ELAVL4: variants seen among roughly 807,000 people sequenced by gnomAD.
The protein encoded by ELAVL4 is ELAV-like protein 4.
Under a neutral mutation model 35.6 loss-of-function variants are expected in ELAVL4, and 1 was observed. The ratio of observed to expected loss-of-function variants is 0.03; its 90% CI spans 0.01 to 0.13. ELAVL4 has a LOEUF of 0.13. Ranked by LOEUF, ELAVL4 falls within the 10% of genes least tolerant of loss-of-function variation. The pLI is 1.00. For missense variants in ELAVL4, 267 were observed against 464.9 expected (o/e 0.57, Z 3.91); for synonymous variants, 156 against 171.0 (o/e 0.91, Z 0.69).
In ELAVL4 at chr1:50,171,666, A is replaced by C. The variant is rs530979081; in HGVS notation, c.251-5423A>C. 2.0e-5 allele frequency among the ~76,000 whole-genome samples: 3 copies of C among 152,352 alleles called. No homozygotes were observed. The East Asian group carries it at 5.8e-4, about 29-fold the overall frequency. ...CTGTTTTTTCCAGATAAGAGAGCAT[A>C]CTGATAAAGCTTAAATGACTTAACC... On this transcript the variant is annotated intron_variant, in intron 2 of 6. Coordinates refer to ENST00000371824, the MANE Select transcript of ELAVL4 (RefSeq NM_001144774.3).
intron 1 of ELAVL4, among the ~76,000 whole-genome samples, chr1:50,071,545 C>A (rs1259385605): frequency 1.3e-5 from 2 of 152,286 alleles, no homozygotes. Flanking sequence ...TAGCCACATA[C>A]ACAAAAGATG....
At chr1:50,142,325 G>A (rs1572372944) in intron 1 of ELAVL4, among the ~76,000 whole-genome samples, 1 of 152,192 alleles carries the variant, frequency 6.6e-6, no homozygotes, top group East Asian at 1.9e-4. Flanking sequence ...TCAGCCTCCC[G>A]AGTAGCTGGG....
At chr1:50,088,836 C>G (rs894156837) in intron 1 of ELAVL4, among the ~76,000 whole-genome samples, 35 of 152,164 alleles carry the variant, frequency 2.3e-4, no homozygotes, top group African/African-American at 8.0e-4. Flanking sequence ...TCCCACAGAC[C>G]CTGTTCTCCA....
intron 1 of ELAVL4, among the ~76,000 whole-genome samples, chr1:50,054,122 G>A (rs1663538782): frequency 6.6e-6 from 1 of 152,092 alleles, no homozygotes; most frequent in African/African-American, 2.4e-5. Context: ...TATATACTGA[G>A]TAAATGTTGA....
intron 1 of ELAVL4, among the ~76,000 whole-genome samples, chr1:50,116,955 C>T (rs1251518628): frequency 2.6e-5 from 4 of 152,100 alleles, no homozygotes; most frequent in African/African-American, 9.7e-5. Flanking sequence ...AACACCAAAA[C>T]AAAAGTGATA....
At chr1:50,095,180 C>A (rs944846500) in intron 1 of ELAVL4, among the ~76,000 whole-genome samples, 1 of 152,100 alleles carries the variant, frequency 6.6e-6, no homozygotes, top group Non-Finnish European at 1.5e-5. Flanking sequence ...AGCTAGTTTA[C>A]GGCAGCATTG....
chr1:50,202,984 C>A lies in ELAVL4; in HGVS notation c.*1806C>A, dbSNP rs1644445900. The A allele has an allele frequency of 6.6e-6, 1 of 152,142 alleles. No individual in the cohort carries two copies. Among genetic ancestry groups the A allele is most frequent in the African/African-American group, 2.4e-5 (1 of 41,426 alleles). 9.4% of individuals were successfully genotyped at this position (152,142 alleles called of 1,614,324 possible). ...GGAGCACTCTCCCACGTCCAGTGCA[C>A]TGATCATTTTAGTATGTTTGTGCTT... On this transcript the variant is annotated 3_prime_UTR_variant, in exon 7 of 7. Coordinates refer to ENST00000371824, the MANE Select transcript of ELAVL4 (RefSeq NM_001144774.3).
chr1:50,114,280 A>G (rs1667575291), intron 1 of ELAVL4, among the ~76,000 whole-genome samples: 1 of 152,014 alleles, frequency 6.6e-6, no homozygotes, highest in African/African-American at 2.4e-5. Context: ...AGGGCATTTG[A>G]ACCTAGTCTT....
chr1:50,135,216 C>T (rs1414120343), intron 1 of ELAVL4, among the ~76,000 whole-genome samples: 1 of 152,038 alleles, frequency 6.6e-6, no homozygotes, highest in East Asian at 1.9e-4. Flanking sequence ...TCACGCTTAC[C>T]TCATTGTTAC....
At chr1:50,058,053 T>G (rs1466455237) in intron 1 of ELAVL4, among the ~76,000 whole-genome samples, 2 of 152,212 alleles carry the variant, frequency 1.3e-5, no homozygotes, top group Non-Finnish European at 2.9e-5. Flanking sequence ...TAAAGGAAGC[T>G]TGAGTTATTT....
chr1:50,186,785 C>CA (rs1681887617), intron 3 of ELAVL4, among the ~76,000 whole-genome samples: 1 of 152,086 alleles, frequency 6.6e-6, no homozygotes, highest in African/African-American at 2.4e-5. Context: ...ACTCCCATCA[C>CA]AAAATGGCAC....
At chr1:50,199,701 C>G (rs1297761783) in intron 6 of ELAVL4, among the ~76,000 whole-genome samples, 1 of 149,516 alleles carries the variant, frequency 6.7e-6, no homozygotes, top group Non-Finnish European at 1.5e-5. Flanking sequence ...GAGTGAGACT[C>G]CATCTCAAAA....
At chr1:50,055,917 A>C (rs1294777788) in intron 1 of ELAVL4, among the ~76,000 whole-genome samples, 1 of 152,154 alleles carries the variant, frequency 6.6e-6, no homozygotes, top group African/African-American at 2.4e-5. Context: ...CAGACTGCCT[A>C]AATAGGAAGT....
intron 1 of ELAVL4, among the ~76,000 whole-genome samples, chr1:50,060,142 A>C (rs1663885952): frequency 6.6e-6 from 1 of 152,242 alleles, no homozygotes; most frequent in Non-Finnish European, 1.5e-5. Context: ...TGTGCTACAG[A>C]ATTGAAATGA....
intron 1 of ELAVL4, chr1:50,141,732 T>C (rs1449207816): frequency 6.6e-6 from 1 of 152,236 alleles, no homozygotes; most frequent in Non-Finnish European, 1.5e-5. Context: ...TTAAGATTCT[T>C]CTCAGAAGCT....
At chr1:50,164,742 T>G (rs1677438101) in intron 2 of ELAVL4, among the ~76,000 whole-genome samples, 1 of 152,212 alleles carries the variant, frequency 6.6e-6, no homozygotes, top group African/African-American at 2.4e-5. Flanking sequence ...CAACTTCCTA[T>G]GGACATGGGT....
intron 3 of ELAVL4, among the ~76,000 whole-genome samples, chr1:50,177,716 A>G (rs930733007): frequency 6.6e-6 from 1 of 152,080 alleles, no homozygotes; most frequent in African/African-American, 2.4e-5. Context: ...GGTGGTTAGG[A>G]CCCTCCTAAT....
At chr1:50,117,739 C>A (rs2148572244) in intron 1 of ELAVL4, among the ~76,000 whole-genome samples, 1 of 152,268 alleles carries the variant, frequency 6.6e-6, no homozygotes, top group East Asian at 1.9e-4. Context: ...TTGGCAAAAG[C>A]CCTTCCCCAG....
At chr1:50,175,481 G>A (rs1335311326) in intron 2 of ELAVL4, 1 of 152,090 alleles carries the variant, frequency 6.6e-6, no homozygotes, top group Non-Finnish European at 1.5e-5. Flanking sequence ...CCAGCAGCTG[G>A]AGTGCACCCA....
Sources: allele counts gnomAD v4.1 joint callset (sites outside exome capture counted in the v4.1 genomes callset), GRCh38; gene constraint gnomAD v4.1.1; transcripts MANE v1.5; gene names NCBI Gene and HGNC (gene_info 2026-07-23, HGNC 2026-07-21).